Variants in TBCA observed in about 807,000 individuals in gnomAD.
TBCA encodes the protein tubulin-specific chaperone A.
A neutral mutation model predicts 15.8 loss-of-function variants in TBCA; 6 were observed. The observed-to-expected ratio is 0.38, with a 90% CI of 0.21 to 0.75. The LOEUF (loss-of-function observed/expected upper bound fraction) is 0.75. TBCA is among the 30% of genes least tolerant of loss of function. The probability of loss-of-function intolerance (pLI) is 0.46; values close to 1 mark genes in which losing one functional copy is unlikely to be tolerated. For synonymous variants in TBCA, 32 were observed against 42.3 expected, an observed-to-expected ratio of 0.76 and a Z score of 0.94; for missense variants, 90 against 131.2, an observed-to-expected ratio of 0.69 and a Z score of 1.53.
intron 1 of TBCA, among the ~76,000 whole-genome samples, chr5:77,739,753 T>C (rs1746990600): frequency 6.6e-6 from 1 of 152,110 alleles, no homozygotes; most frequent in African/African-American, 2.4e-5. Flanking sequence ...CAGTGGCAAG[T>C]AAAAGGCACC....
At chr5:77,720,187 G>A (rs761095741) in intron 1 of TBCA, among the ~76,000 whole-genome samples, 6 of 152,154 alleles carry the variant, frequency 3.9e-5, no homozygotes, top group East Asian at 1.9e-4. Flanking sequence ...TTGCGGTATC[G>A]TTCACTAGAA....
chr5:77,726,041 G>GAC (rs1204766067), intron 1 of TBCA, among the ~76,000 whole-genome samples: 1 of 152,142 alleles, frequency 6.6e-6, no homozygotes, highest in African/African-American at 2.4e-5. Flanking sequence ...AATTAGACTC[G>GAC]ACACACATTC....
At chr5:77,721,150 C>T (rs1746520737) in intron 1 of TBCA, among the ~76,000 whole-genome samples, 1 of 152,176 alleles carries the variant, frequency 6.6e-6, no homozygotes, top group East Asian at 1.9e-4. Context: ...TATCAAACTA[C>T]AAAATAAGCC....
chr5:77,715,378 T>C, intron 1 of TBCA: 1 of 668,784 alleles, frequency 1.5e-6, no homozygotes, highest in South Asian at 1.6e-5. Flanking sequence ...ACAATCAGTC[T>C]AAATGAGGAT....
intron 1 of TBCA, among the ~76,000 whole-genome samples, chr5:77,710,008 G>A (rs1481765848): frequency 6.6e-6 from 1 of 152,182 alleles, no homozygotes; most frequent in Non-Finnish European, 1.5e-5. Context: ...GGGGACAACA[G>A]GGGAATTGGA....
chr5:77,767,353 A>G (rs1344696964), intron 1 of TBCA, among the ~76,000 whole-genome samples: 1 of 152,208 alleles, frequency 6.6e-6, no homozygotes, highest in African/African-American at 2.4e-5. Flanking sequence ...GATCTCAACA[A>G]CAACAGAGAA....
chr5:77,757,539 C>T (rs1202310065), intron 1 of TBCA, among the ~76,000 whole-genome samples: 1 of 152,154 alleles, frequency 6.6e-6, no homozygotes, highest in Non-Finnish European at 1.5e-5. Flanking sequence ...CTTTAGATCT[C>T]AACCAAATTT....
intron 2 of TBCA, among the ~76,000 whole-genome samples, chr5:77,698,995 G>A (rs1307900440): frequency 1.6e-5 from 1 of 61,126 alleles, no homozygotes; most frequent in East Asian, 5.3e-4. Context: ...ATGGTATGTG[G>A]AAACCAAAAC....
chr5:77,765,070 T>C (rs986601956), intron 1 of TBCA, among the ~76,000 whole-genome samples: 1 of 152,068 alleles, frequency 6.6e-6, no homozygotes, highest in Admixed American at 6.5e-5. Flanking sequence ...TTGCGAAAAA[T>C]AATCTTACTT....
chr5:77,749,023 A>G (rs932509416), intron 1 of TBCA, among the ~76,000 whole-genome samples: 2 of 152,210 alleles, frequency 1.3e-5, no homozygotes, highest in Admixed American at 6.5e-5. Flanking sequence ...GTATCAAGCA[A>G]TTCAACTTTT....
At chr5:77,716,534 C>T (rs367605323) in intron 1 of TBCA, among the ~76,000 whole-genome samples, 3 of 152,142 alleles carry the variant, frequency 2.0e-5, no homozygotes, top group African/African-American at 7.2e-5. Context: ...TGTGCCAAGG[C>T]ATGCTAAATG....
At chr5:77,740,418 A>G (rs1050438470) in intron 1 of TBCA, among the ~76,000 whole-genome samples, 4 of 152,162 alleles carry the variant, frequency 2.6e-5, no homozygotes, top group Non-Finnish European at 5.9e-5. Flanking sequence ...GGTGACCCAG[A>G]CAAGAGCAGT....
At chr5:77,758,699 C>T (rs1326249864) in intron 1 of TBCA, among the ~76,000 whole-genome samples, 1 of 151,458 alleles carries the variant, frequency 6.6e-6, no homozygotes, top group Middle Eastern at 3.2e-3. Flanking sequence ...GCTCTCCTTA[C>T]ACTTGGGAGG....
chr5:77,751,957 G>T (rs559504768), intron 1 of TBCA, among the ~76,000 whole-genome samples: 7 of 152,130 alleles, frequency 4.6e-5, no homozygotes, highest in Admixed American at 2.6e-4. Flanking sequence ...GATCAGATGA[G>T]CCAGTTTATT....
intron 1 of TBCA, among the ~76,000 whole-genome samples, chr5:77,747,917 A>C (rs1747227656): frequency 6.6e-6 from 1 of 152,188 alleles, no homozygotes. Context: ...TTTATCTTAT[A>C]ATTTTCAAAA....
intron 2 of TBCA, among the ~76,000 whole-genome samples, chr5:77,694,966 A>G (rs1277311622): frequency 1.3e-5 from 2 of 152,216 alleles, no homozygotes; most frequent in Non-Finnish European, 2.9e-5. Flanking sequence ...AACCACTGCC[A>G]TTAAATTATT....
At chr5:77,749,166 G>A (rs1031759208) in intron 1 of TBCA, among the ~76,000 whole-genome samples, 1 of 152,162 alleles carries the variant, frequency 6.6e-6, no homozygotes, top group Non-Finnish European at 1.5e-5. Context: ...CATGAGAACC[G>A]CGAGAGATCA....
chr5:77,720,417 T>C (rs1372768112), intron 1 of TBCA, among the ~76,000 whole-genome samples: 1 of 152,068 alleles, frequency 6.6e-6, no homozygotes, highest in Non-Finnish European at 1.5e-5. Flanking sequence ...ATTACACTTC[T>C]AAAAAAGCCA....
At chr5:77,710,512 C>T (rs1435950840) in intron 1 of TBCA, among the ~76,000 whole-genome samples, 1 of 152,064 alleles carries the variant, frequency 6.6e-6, no homozygotes, top group East Asian at 1.9e-4. Flanking sequence ...TTTTATTTGA[C>T]TCACAATGTT....
Sources: gnomAD v4.1 joint callset for allele counts (sites outside exome capture counted in the v4.1 genomes callset) on GRCh38, gnomAD v4.1.1 for gene constraint, MANE v1.5 for transcripts, NCBI Gene and HGNC (gene_info 2026-07-23, HGNC 2026-07-21) for gene names.